PCDHGA8: variants seen among roughly 807,000 people sequenced by gnomAD.
PCDHGA8 encodes protocadherin gamma subfamily A, 8, also known as protocadherin gamma-A8.
In PCDHGA8, 45 loss-of-function variants were observed where a neutral mutation model predicts 59.2. The observed-to-expected ratio is 0.76, with a 90% CI of 0.60 to 0.98. The LOEUF (loss-of-function observed/expected upper bound fraction) is 0.98, where lower values mean the gene tolerates loss of function less well. Ranked by LOEUF, PCDHGA8 falls within the 50% of genes least tolerant of loss-of-function variation. The pLI, the probability that PCDHGA8 is intolerant of heterozygous loss-of-function variation, is 0.00. For synonymous variants in PCDHGA8, 531 were observed against 519.0 expected, an observed-to-expected ratio of 1.02 and a Z score of -0.32; for missense variants, 1,257 against 1,196.2, an observed-to-expected ratio of 1.05 and a Z score of -0.75.
intron 1 of PCDHGA8, chr5:141,410,439 G>C: frequency 6.2e-7 from 1 of 1,614,008 alleles, no homozygotes; most frequent in Non-Finnish European, 8.5e-7. Context: ...TACAGTGAGG[G>C]GACTTTGCCT....
chr5:141,497,210 G>T (rs988856908), intron 2 of PCDHGA8, among the ~76,000 whole-genome samples: 1 of 28,140 alleles, frequency 3.6e-5, no homozygotes, highest in African/African-American at 1.1e-3. Context: ...TGAGTGTAAT[G>T]GGGGGGGGAA....
chr5:141,409,282 A>G (rs769745022), intron 1 of PCDHGA8: 1 of 1,613,958 alleles, frequency 6.2e-7, no homozygotes, highest in East Asian at 2.2e-5. Context: ...TGGAGAATTC[A>G]CCTCCAGGAA....
chr5:141,395,022 G>T lies in PCDHGA8; in HGVS notation c.2209G>T (p.Ala737Ser). 1 of 1,614,128 alleles carries T rather than the reference G, an allele frequency of 6.2e-7. No individual in the cohort carries two copies. Among genetic ancestry groups the T allele is most frequent in the Non-Finnish European group, 8.5e-7 (1 of 1,180,022 alleles). Reference sequence around the variant, plus strand: ...CGGTGGCAGATTGGTAGGCGTGCCTGCCTCACATTTTGTGGGTGTTGAGGA... The same window carrying T: ...CGGTGGCAGATTGGTAGGCGTGCCTTCCTCACATTTTGTGGGTGTTGAGGA... ...DSGGRLVGVPASHFVGVEEVQ... is the reference protein window; with the variant it reads ...DSGGRLVGVPSSHFVGVEEVQ... The change falls in exon 1 of 4, where the codon GCC (alanine) becomes TCC (serine). Residue 737 changes from alanine to serine, a missense_variant. Transcript: ENST00000398604.
chr5:141,420,252 C>G (rs745697672), intron 1 of PCDHGA8: 2 of 1,576,604 alleles, frequency 1.3e-6, no homozygotes, highest in Non-Finnish European at 1.7e-6. Flanking sequence ...AGCGTTGAAG[C>G]AGATAAGAAG....
Position 141,432,097 on chromosome 5 carries a change from C to A in PCDHGA8, c.2424+36860C>A. The A allele has an allele frequency of 1.9e-6, 3 of 1,614,184 alleles. No individual in the cohort carries two copies. Among genetic ancestry groups the A allele is most frequent in the Non-Finnish European group, 1.7e-6 (2 of 1,180,034 alleles). On this transcript the variant is annotated intron_variant, in intron 1 of 3. Transcript: ENST00000398604. This position sits in a 1 kb window ranked among gnomAD's most constrained non-coding sequence, Gnocchi z 6.0. ...TCTCGCTGAACGTGGCAGACACCAA[C>A]GACAACCCGCCGGTCTTCCCTCAGG...
At position 141,489,185 on chromosome 5, in the gene PCDHGA8, T is replaced by TCTA; in HGVS notation, c.2425-5620_2425-5618dup. Reference sequence around the variant, plus strand: ...CAGCTGCTGCATTCCAAGCCCTGGGTCTACCTTGGAGACAGGACAGCACAG... The same window carrying TCTA: ...CAGCTGCTGCATTCCAAGCCCTGGGTCTACTACCTTGGAGACAGGACAGCACAG... On this transcript the variant is annotated intron_variant, in intron 1 of 3. Coordinates refer to ENST00000398604, the MANE Select transcript of PCDHGA8 (RefSeq NM_032088.2). This position sits in a 1 kb window ranked among gnomAD's most constrained non-coding sequence, Gnocchi z 4.5. 7.8e-7 allele frequency: 1 copy of TCTA among 1,286,838 alleles called. No homozygotes were observed. The highest frequency in any genetic ancestry group is 1.5e-5 in the South Asian group (1 of 65,798). The allele number at this position is 1,286,838 out of a possible 1,614,324, so 79.7% of individuals were successfully genotyped here.
At chr5:141,479,953 CAGTT>C (rs1198160373) in intron 1 of PCDHGA8, among the ~76,000 whole-genome samples, 1 of 152,182 alleles carries the variant, frequency 6.6e-6, no homozygotes, top group African/African-American at 2.4e-5. Flanking sequence ...TTGGATTTGG[CAGTT>C]AGTCAAATGA....
At chr5:141,405,020 A>G in intron 1 of PCDHGA8, 1 of 1,613,342 alleles carries the variant, frequency 6.2e-7, no homozygotes, top group Non-Finnish European at 8.5e-7. Context: ...CTCAGACCTT[A>G]CCCTCTACCT....
At chr5:141,418,769 C>A (rs1488222030) in intron 1 of PCDHGA8, 2 of 1,613,828 alleles carry the variant, frequency 1.2e-6, no homozygotes, top group East Asian at 4.5e-5. Flanking sequence ...CATTCTAACT[C>A]AGCAGCCTTT....
rs757308340 is a variant in PCDHGA8, at chr5:141,487,575, G to A, written c.2425-7232G>A. ...GCACCTATGGCAGGGGAGCCTGTTC[G>A]CCCAAGCTGCCCACCCTCTGATCTT... On this transcript the variant is annotated intron_variant, in intron 1 of 3. Coordinates refer to ENST00000398604, the MANE Select transcript of PCDHGA8 (RefSeq NM_032088.2). This position sits in a 1 kb window ranked among gnomAD's most constrained non-coding sequence, Gnocchi z 5.0. The A allele has an allele frequency of 3.1e-6, 5 of 1,614,018 alleles. No homozygotes were observed. In the African/African-American group the frequency reaches 4.0e-5, roughly 13 times the overall value.
chr5:141,414,078 T>C lies in PCDHGA8; in HGVS notation c.2424+18841T>C, dbSNP rs777190406. 3.1e-6 allele frequency: 5 copies of C among 1,603,326 alleles called. No individual in the cohort carries two copies. In the South Asian group the frequency reaches 4.5e-5, roughly 14 times the overall value. ...TGTTGAAGTTCCAACTAAACAAATA[T>C]ACTGGAGAAATAAAAATATCAGAAA... On this transcript the variant is annotated intron_variant, in intron 1 of 3. Transcript: ENST00000398604.
At chr5:141,421,797 C>T in intron 1 of PCDHGA8, 1 of 1,613,744 alleles carries the variant, frequency 6.2e-7, no homozygotes, top group Non-Finnish European at 8.5e-7. Context: ...CGGATGGGGC[C>T]AAGAATCCAG....
chr5:141,413,690 A>T lies in PCDHGA8; in HGVS notation c.2424+18453A>T, dbSNP rs553462819. On this transcript the variant is annotated intron_variant, in intron 1 of 3. Transcript: ENST00000398604. ...CCGGATGTGGGCGTGAACTCCCTGC[A>T]GAGCTATCAGCTCAGCCCCAATAAG... 9.9e-6 allele frequency: 16 copies of T among 1,613,702 alleles called. No individual in the cohort carries two copies. The East Asian group carries it at 2.9e-4, about 29-fold the overall frequency.
In PCDHGA8 at chr5:141,398,596, G is replaced by A. The variant is rs201846904; in HGVS notation, c.2424+3359G>A. 1,173 of 1,614,034 alleles carry A rather than the reference G, an allele frequency of 7.3e-4. 1 individual carries two copies. Among genetic ancestry groups the A allele is most frequent in the Non-Finnish European group, 9.3e-4 (1,101 of 1,179,898 alleles). ...TGGCACAAGATTTATACTAGAAGTA[G>A]CAGAAGATGCAGATATTGGCTTAAA... is the stretch of plus-strand genomic sequence containing the variant. On this transcript the variant is annotated intron_variant, in intron 1 of 3. Transcript: ENST00000398604.
intron 1 of PCDHGA8, chr5:141,419,727 C>G (rs1344063538): frequency 6.2e-7 from 1 of 1,613,582 alleles, no homozygotes; most frequent in Admixed American, 1.7e-5. Flanking sequence ...GGGCTGCGAA[C>G]AGGCGAGGTG....
chr5:141,478,736 T>C (rs2099474016), intron 1 of PCDHGA8: 1 of 1,534,678 alleles, frequency 6.5e-7, no homozygotes, highest in African/African-American at 1.4e-5. Flanking sequence ...GTGTGGTTTG[T>C]GGTCCCATTT....
At chr5:141,441,709 C>T in intron 1 of PCDHGA8, 1 of 321,306 alleles carries the variant, frequency 3.1e-6, no homozygotes, top group Non-Finnish European at 6.1e-6. Flanking sequence ...TTCAAGCTCA[C>T]GCTGCAGGCC....
chr5:141,392,957 C>T lies in PCDHGA8; in HGVS notation c.144C>T (p.Ile48=). The change falls in exon 1 of 4, where the codon ATC becomes ATT. Residue 48 remains isoleucine, a synonymous_variant. Coordinates refer to ENST00000398604, the MANE Select transcript of PCDHGA8 (RefSeq NM_032088.2). The part of the protein sequence containing the change: ...ETDKGSFVGN[I]SKDLGLDPRK... ...ACAAAGGCTCCTTCGTGGGTAATATCTCCAAGGACCTGGGGCTGGACCCCC... is the reference window on the plus strand; with the variant it reads ...ACAAAGGCTCCTTCGTGGGTAATATTTCCAAGGACCTGGGGCTGGACCCCC... 1 of 1,613,932 alleles carries T rather than the reference C, an allele frequency of 6.2e-7. No homozygotes were observed. Among genetic ancestry groups the T allele is most frequent in the Non-Finnish European group, 8.5e-7 (1 of 1,179,886 alleles).
intron 1 of PCDHGA8, chr5:141,415,228 C>A: frequency 1.2e-6 from 2 of 1,614,168 alleles, no homozygotes; most frequent in South Asian, 2.2e-5. Flanking sequence ...CTTCGAGTCT[C>A]CAGCTAACTC....
Sources: allele counts gnomAD v4.1 joint callset (sites outside exome capture counted in the v4.1 genomes callset), GRCh38; gene constraint gnomAD v4.1.1; non-coding constraint Gnocchi (gnomAD v3.1); transcripts MANE v1.5; gene names NCBI Gene and HGNC (gene_info 2026-07-23, HGNC 2026-07-21).